The following BDH1 variants were observed in gnomAD, a reference collection of about 807,000 sequenced individuals.
BDH1 encodes the protein 3-hydroxybutyrate dehydrogenase 1.
A neutral mutation model predicts 33.1 loss-of-function variants in BDH1; 30 were observed. That is an observed-to-expected ratio of 0.91 (90% CI 0.68 to 1.23). The LOEUF is 1.23. Ranked by LOEUF, BDH1 falls within the 50% of genes most tolerant of loss-of-function variation. The pLI, the probability that BDH1 is intolerant of heterozygous loss-of-function variation, is 0.00. For synonymous variants in BDH1, 190 were observed against 183.6 expected, an observed-to-expected ratio of 1.03 and a Z score of -0.28; for missense variants, 443 against 464.4, an observed-to-expected ratio of 0.95 and a Z score of 0.42.
intron 2 of BDH1, among the ~76,000 whole-genome samples, chr3:197,548,673 AAACCC>A (rs1265229299): frequency 6.6e-6 from 1 of 151,524 alleles, no homozygotes; most frequent in Admixed American, 6.6e-5. Flanking sequence ...TGACATGGTG[AAACCC>A]TGTCTCTACT....
At chr3:197,565,686 A>G (rs533286141) in intron 1 of BDH1, among the ~76,000 whole-genome samples, 1 of 152,326 alleles carries the variant, frequency 6.6e-6, no homozygotes, top group South Asian at 2.1e-4. Flanking sequence ...TGCCACAGAG[A>G]TAAGTTTCTT....
Position 197,522,876 on chromosome 3 carries a change from C to T in BDH1, c.268-95G>A, listed in dbSNP as rs1396081809. 1 of 1,475,976 alleles carries T rather than the reference C, an allele frequency of 6.8e-7. No homozygotes were observed. The highest frequency in any genetic ancestry group is 9.2e-7 in the Non-Finnish European group (1 of 1,091,804). 91.4% of individuals were successfully genotyped at this position (1,475,976 alleles called of 1,614,324 possible). ...TCAAGGCAGGAGCTGGCCTCAAGTC[C>T]CAGCCAAAGCCTCAGGCATACTGGC... On this transcript the variant is annotated intron_variant, in intron 5 of 7. Coordinates refer to ENST00000392379, the MANE Select transcript of BDH1 (RefSeq NM_203314.3). This position sits in a 1 kb window ranked among gnomAD's most constrained non-coding sequence, Gnocchi z 4.8.
intron 3 of BDH1, among the ~76,000 whole-genome samples, chr3:197,542,521 CTT>C (rs71164295): frequency 0.01 from 1,078 of 106,418 alleles, 23 homozygotes; most frequent in African/African-American, 0.043. Flanking sequence ...TTCTTGCTTG[CTT>C]TTTTTTTTTT....
At chr3:197,561,839 T>A (rs1050572767) in intron 1 of BDH1, among the ~76,000 whole-genome samples, 3 of 152,082 alleles carry the variant, frequency 2.0e-5, no homozygotes, top group African/African-American at 7.2e-5. Flanking sequence ...GCTTCCTGTC[T>A]TAAAAAAAAA....
chr3:197,525,256 C>A lies in BDH1; in HGVS notation c.268-2475G>T, dbSNP rs1713977742. Among the ~76,000 whole-genome samples the A allele has an allele frequency of 6.6e-6, 1 of 152,220 alleles. No individual in the cohort carries two copies. Among genetic ancestry groups the A allele is most frequent in the Admixed American group, 6.5e-5 (1 of 15,294 alleles). On this transcript the variant is annotated intron_variant, in intron 5 of 7. Coordinates refer to ENST00000392379, the MANE Select transcript of BDH1 (RefSeq NM_203314.3). The surrounding 1 kb of genome is among the most constrained non-coding windows in gnomAD (Gnocchi z 4.9). The stretch of plus-strand genomic sequence containing the variant: ...TAATGCAGTCTTCCACCTGGTGGCC[C>A]TTCAAATGCCCCTTGGCGTGGAGCT...
chr3:197,543,377 G>A (rs1045852909), intron 3 of BDH1, among the ~76,000 whole-genome samples: 1 of 152,246 alleles, frequency 6.6e-6, no homozygotes, highest in South Asian at 2.1e-4. Context: ...CACTCTGCCC[G>A]GGTCAGGCCA....
rs1399242304 is a variant in BDH1, at chr3:197,525,975, G to C, written c.268-3194C>G. On this transcript the variant is annotated intron_variant, in intron 5 of 7. Coordinates refer to ENST00000392379, the MANE Select transcript of BDH1 (RefSeq NM_203314.3). This position sits in a 1 kb window ranked among gnomAD's most constrained non-coding sequence, Gnocchi z 4.9. ...CTGGCTGCTCAGGGACAAGCTTTTA[G>C]TTCCGCTGTGTTGGTGCGTGTGCAA... is the stretch of plus-strand genomic sequence containing the variant. Among the ~76,000 whole-genome samples, 1 of 152,192 alleles carries C rather than the reference G, an allele frequency of 6.6e-6. No homozygotes were observed. Among genetic ancestry groups the C allele is most frequent in the East Asian group, 1.9e-4 (1 of 5,184 alleles).
At chr3:197,551,363 G>T (rs927743802) in intron 2 of BDH1, among the ~76,000 whole-genome samples, 2 of 152,150 alleles carry the variant, frequency 1.3e-5, no homozygotes, top group African/African-American at 4.8e-5. Flanking sequence ...TTAACATAAT[G>T]ACCTCCAGTT....
Position 197,522,141 on chromosome 3 carries a change from C to A in BDH1, c.409+499G>T, listed in dbSNP as rs556988077. Among the ~76,000 whole-genome samples, 8 of 152,356 alleles carry A rather than the reference C, an allele frequency of 5.3e-5. No homozygotes were observed. In the East Asian group the frequency reaches 1.2e-3, roughly 22 times the overall value. ...TTCCTGCTCTCCCCTCCTCTTGGAA[C>A]AACCATATCTGCTCTCTGCCACAAT... On this transcript the variant is annotated intron_variant, in intron 6 of 7. Transcript: ENST00000392379. The surrounding 1 kb of genome is among the most constrained non-coding windows in gnomAD (Gnocchi z 4.8).
intron 5 of BDH1, among the ~76,000 whole-genome samples, chr3:197,531,296 T>C (rs1714619884): frequency 2.0e-5 from 3 of 151,748 alleles, no homozygotes; most frequent in South Asian, 2.1e-4. Flanking sequence ...CTCGGGAGGC[T>C]GAGGCAGGGG....
intron 3 of BDH1, among the ~76,000 whole-genome samples, chr3:197,540,443 G>A (rs1437715455): frequency 7.1e-6 from 1 of 140,168 alleles, no homozygotes; most frequent in African/African-American, 2.8e-5. Context: ...GCTGAGGCGG[G>A]CAGACACTTG....
chr3:197,548,869 AAAAAAC>A (rs1716318144), intron 2 of BDH1, among the ~76,000 whole-genome samples: 1 of 134,432 alleles, frequency 7.4e-6, no homozygotes, highest in Non-Finnish European at 1.7e-5. Flanking sequence ...AAATAACAAA[AAAAAAC>A]AAAAAAAACA....
At chr3:197,536,336 C>T (rs543791672) in intron 3 of BDH1, among the ~76,000 whole-genome samples, 5 of 152,132 alleles carry the variant, frequency 3.3e-5, no homozygotes, top group African/African-American at 9.6e-5. Context: ...TTTCCTTTGC[C>T]TTTCCATATA....
intron 3 of BDH1, among the ~76,000 whole-genome samples, chr3:197,540,171 C>T (rs1231925686): frequency 6.6e-6 from 1 of 152,014 alleles, no homozygotes; most frequent in East Asian, 2.0e-4. Context: ...GTGCCTCTGG[C>T]TCCCAAGTAG....
chr3:197,543,881 T>A (rs901057013), intron 3 of BDH1, among the ~76,000 whole-genome samples: 5 of 152,138 alleles, frequency 3.3e-5, no homozygotes, highest in Non-Finnish European at 7.4e-5. Flanking sequence ...TCGCTCAGTG[T>A]GAATGCAGGG....
intron 3 of BDH1, among the ~76,000 whole-genome samples, chr3:197,544,994 G>C (rs1359213566): frequency 6.6e-6 from 1 of 152,208 alleles, no homozygotes; most frequent in East Asian, 1.9e-4. Flanking sequence ...GTTGCTCTGA[G>C]CCAAGAGGTT....
At chr3:197,569,675 CCT>C (rs910892500) in intron 1 of BDH1, among the ~76,000 whole-genome samples, 16 of 152,152 alleles carry the variant, frequency 1.1e-4, no homozygotes, top group African/African-American at 3.6e-4. Context: ...TGGCTTTCAT[CCT>C]CTCTCTTGTC....
chr3:197,556,531 G>A (rs898467072), upstream of BDH1, among the ~76,000 whole-genome samples: 2 of 152,184 alleles, frequency 1.3e-5, no homozygotes, highest in African/African-American at 2.4e-5. Flanking sequence ...AGCAGGGCGC[G>A]GTGGCGCACG....
intron 2 of BDH1, among the ~76,000 whole-genome samples, chr3:197,550,207 G>T (rs1395594931): frequency 1.3e-5 from 2 of 152,082 alleles, no homozygotes; most frequent in Non-Finnish European, 2.9e-5. Flanking sequence ...AGTAGACAGT[G>T]TTCTCACCAC....
Sources: gnomAD v4.1 joint callset for allele counts (sites outside exome capture counted in the v4.1 genomes callset) on GRCh38, gnomAD v4.1.1 for gene constraint, Gnocchi (gnomAD v3.1) non-coding constraint, MANE v1.5 for transcripts, NCBI Gene and HGNC (gene_info 2026-07-23, HGNC 2026-07-21) for gene names.